The following PPP3CA variants were observed in gnomAD, a reference collection of about 807,000 sequenced individuals.
The protein encoded by PPP3CA is protein phosphatase 3 catalytic subunit alpha, also known as CAM-PRP catalytic subunit.
PPP3CA carries 14 observed loss-of-function variants against 66.5 expected under a neutral mutation model. The ratio of observed to expected loss-of-function variants is 0.21; its 90% CI spans 0.14 to 0.33. PPP3CA has a LOEUF of 0.33. Ranked by LOEUF, PPP3CA falls within the 10% of genes least tolerant of loss-of-function variation. PPP3CA has a pLI of 1.00. For synonymous variants in PPP3CA, 232 were observed against 226.2 expected, an observed-to-expected ratio of 1.03 and a Z score of -0.23; for missense variants, 317 against 639.5, an observed-to-expected ratio of 0.50 and a Z score of 5.44.
At chr4:101,314,045 A>G (rs1728805154) in intron 1 of PPP3CA, among the ~76,000 whole-genome samples, 1 of 152,226 alleles carries the variant, frequency 6.6e-6, no homozygotes. Flanking sequence ...AATAATTTTA[A>G]AAGAAAATAG....
chr4:101,085,861 G>C (rs543309502), intron 6 of PPP3CA, among the ~76,000 whole-genome samples: 2 of 151,002 alleles, frequency 1.3e-5, no homozygotes, highest in African/African-American at 4.9e-5. Context: ...CACACACAGA[G>C]AGAGAGAGAG....
intron 2 of PPP3CA, among the ~76,000 whole-genome samples, chr4:101,193,328 A>C (rs1431279595): frequency 6.6e-6 from 1 of 152,252 alleles, no homozygotes; most frequent in Admixed American, 6.5e-5. Context: ...TGTTTGCAAG[A>C]ATACAAAGAT....
intron 7 of PPP3CA, among the ~76,000 whole-genome samples, chr4:101,081,942 A>C (rs1729457862): frequency 6.6e-6 from 1 of 152,230 alleles, no homozygotes; most frequent in Non-Finnish European, 1.5e-5. Context: ...AAACAAAAAC[A>C]AAGAAACTGG....
intron 6 of PPP3CA, among the ~76,000 whole-genome samples, chr4:101,086,038 C>T (rs1310518444): frequency 6.6e-6 from 1 of 152,028 alleles, no homozygotes; most frequent in Non-Finnish European, 1.5e-5. Flanking sequence ...GGTATAAGTT[C>T]AAGGCAGGTT....
intron 1 of PPP3CA, among the ~76,000 whole-genome samples, chr4:101,222,663 T>C (rs1271840046): frequency 6.6e-6 from 1 of 151,680 alleles, no homozygotes; most frequent in Non-Finnish European, 1.5e-5. Flanking sequence ...ATTGCACTGA[T>C]GAAAATGTGT....
intron 2 of PPP3CA, among the ~76,000 whole-genome samples, chr4:101,156,022 C>A (rs1187948404): frequency 6.6e-6 from 1 of 152,160 alleles, no homozygotes; most frequent in Non-Finnish European, 1.5e-5. Context: ...GGAAACTATG[C>A]CTATGGTCAA....
intron 3 of PPP3CA, among the ~76,000 whole-genome samples, chr4:101,106,947 A>G (rs1048963903): frequency 6.6e-6 from 1 of 152,112 alleles, no homozygotes; most frequent in African/African-American, 2.4e-5. Context: ...TCTTGTCCAA[A>G]CCACCATTAT....
intron 1 of PPP3CA, among the ~76,000 whole-genome samples, chr4:101,296,857 A>T (rs888405856): frequency 1.3e-5 from 2 of 152,218 alleles, no homozygotes; most frequent in Non-Finnish European, 2.9e-5. Flanking sequence ...GACTCACAGT[A>T]AAACACTGCT....
chr4:101,135,168 T>C (rs2110286312), intron 2 of PPP3CA, among the ~76,000 whole-genome samples: 1 of 151,844 alleles, frequency 6.6e-6, no homozygotes, highest in South Asian at 2.1e-4. Context: ...TGTATACCTA[T>C]GTAACAAACC....
intron 2 of PPP3CA, among the ~76,000 whole-genome samples, chr4:101,147,408 G>A (rs1020439751): frequency 2.6e-5 from 4 of 152,102 alleles, no homozygotes; most frequent in African/African-American, 7.2e-5. Context: ...CTGGCTTGCT[G>A]TCATGTATGA....
intron 1 of PPP3CA, among the ~76,000 whole-genome samples, chr4:101,302,624 G>C (rs1237607941): frequency 6.6e-6 from 1 of 152,118 alleles, no homozygotes; most frequent in Non-Finnish European, 1.5e-5. Flanking sequence ...TCCGCCTCCT[G>C]GTTCAAGCGA....
chr4:101,215,957 C>T (rs1403943981), intron 1 of PPP3CA, among the ~76,000 whole-genome samples: 1 of 152,086 alleles, frequency 6.6e-6, no homozygotes, highest in Non-Finnish European at 1.5e-5. Flanking sequence ...GAAGAGAAGA[C>T]ATATTCAGTA....
intron 1 of PPP3CA, among the ~76,000 whole-genome samples, chr4:101,343,449 G>A (rs1173601787): frequency 6.6e-6 from 1 of 152,148 alleles, no homozygotes; most frequent in Admixed American, 6.5e-5. Context: ...CGGGGGTCAA[G>A]GGGAGGAAGA....
intron 1 of PPP3CA, among the ~76,000 whole-genome samples, chr4:101,246,579 A>G (rs1726486585): frequency 6.6e-6 from 1 of 152,214 alleles, no homozygotes. Context: ...ATATAGGTTA[A>G]AGTATTTATT....
intron 1 of PPP3CA, among the ~76,000 whole-genome samples, chr4:101,209,213 T>C (rs1725229812): frequency 6.6e-6 from 1 of 151,962 alleles, no homozygotes; most frequent in East Asian, 1.9e-4. Flanking sequence ...AAGGAGAAAA[T>C]AAACAATTTT....
intron 1 of PPP3CA, among the ~76,000 whole-genome samples, chr4:101,287,632 A>T (rs1420351820): frequency 6.6e-6 from 1 of 152,212 alleles, no homozygotes; most frequent in Admixed American, 6.5e-5. Context: ...ACCCACCATC[A>T]TTCTACAGCC....
intron 1 of PPP3CA, among the ~76,000 whole-genome samples, chr4:101,196,753 G>A (rs1346666301): frequency 1.3e-5 from 2 of 152,160 alleles, no homozygotes; most frequent in Admixed American, 6.5e-5. Context: ...CGAGATACAG[G>A]TATTTTTAAA....
intron 2 of PPP3CA, among the ~76,000 whole-genome samples, chr4:101,167,190 A>C (rs1295064404): frequency 1.3e-5 from 2 of 152,210 alleles, no homozygotes; most frequent in African/African-American, 4.8e-5. Flanking sequence ...TTATTAGGGG[A>C]GATAATCTTT....
chr4:101,265,524 C>G (rs1465452171), intron 1 of PPP3CA, among the ~76,000 whole-genome samples: 1 of 152,090 alleles, frequency 6.6e-6, no homozygotes, highest in Admixed American at 6.6e-5. Context: ...GAAGACCAAA[C>G]CACTTTTAAT....
Sources: allele counts gnomAD v4.1 joint callset (sites outside exome capture counted in the v4.1 genomes callset), GRCh38; gene constraint gnomAD v4.1.1; transcripts MANE v1.5; gene names NCBI Gene and HGNC (gene_info 2026-07-23, HGNC 2026-07-21).